Variants in FGF13 observed in about 807,000 individuals in gnomAD.
FGF13 encodes fibroblast growth factor homologous factor 2.
FGF13 carries 2 observed loss-of-function variants against 19.5 expected under a neutral mutation model. That is an observed-to-expected ratio of 0.10 (90% CI 0.04 to 0.32). The LOEUF is 0.32. Ranked by LOEUF, FGF13 falls within the 10% of genes least tolerant of loss-of-function variation. The pLI is 1.00. For missense variants in FGF13, 113 were observed against 192.7 expected (o/e 0.59, Z 2.45); for synonymous variants, 72 against 76.9 (o/e 0.94, Z 0.33).
chrX:138,644,528 C>G lies in FGF13; in HGVS notation c.403-8873G>C, dbSNP rs17539004. 3.9e-3 allele frequency among the ~76,000 whole-genome samples: 431 copies of G among 111,261 alleles called. 4 individuals carry two copies. Among genetic ancestry groups the G allele is most frequent in the African/African-American group, 0.013 (411 of 30,552 alleles). On this transcript the variant is annotated intron_variant, in intron 3 of 4. Coordinates refer to ENST00000315930, the MANE Select transcript of FGF13 (RefSeq NM_004114.5). ...CTCCTGACCTCAGGTGATCCACCTG[C>G]CTTGGCCTCGCAAAGTGCTGGGATT...
chrX:139,003,971 A>C (rs1464974765), intron 1 of FGF13, among the ~76,000 whole-genome samples: 1 of 112,525 alleles, frequency 8.9e-6, no homozygotes, highest in Non-Finnish European at 1.9e-5. Flanking sequence ...CACCGAGTGG[A>C]TCCTGCACCG....
intron 1 of FGF13, among the ~76,000 whole-genome samples, chrX:138,898,284 A>G (rs1219380252): frequency 8.9e-6 from 1 of 112,047 alleles, no homozygotes; most frequent in East Asian, 2.8e-4. Flanking sequence ...TACCTATATT[A>G]TTTACTTATG....
intron 1 of FGF13, among the ~76,000 whole-genome samples, chrX:138,977,271 C>T (rs1421856361): frequency 1.8e-5 from 2 of 111,843 alleles, no homozygotes; most frequent in Non-Finnish European, 3.8e-5. Flanking sequence ...GTTTCTCTTT[C>T]CCTTAAAGGA....
intron 1 of FGF13, among the ~76,000 whole-genome samples, chrX:139,008,815 T>C (rs749918145): frequency 3.6e-5 from 4 of 111,637 alleles, no homozygotes; most frequent in African/African-American, 6.5e-5. Flanking sequence ...CAAAACATCA[T>C]ACCAGCTAAC....
intron 3 of FGF13, among the ~76,000 whole-genome samples, chrX:138,648,226 C>A (rs1286549899): frequency 8.9e-6 from 1 of 111,978 alleles, no homozygotes; most frequent in Non-Finnish European, 1.9e-5. Flanking sequence ...AGAACCGTAA[C>A]ACTCCCTTAA....
chrX:138,698,579 T>C (rs1216206044), intron 3 of FGF13, among the ~76,000 whole-genome samples: 2 of 111,814 alleles, frequency 1.8e-5, no homozygotes, highest in Non-Finnish European at 3.8e-5. Flanking sequence ...TCAACAACCA[T>C]TTTTCTTAAG....
intron 1 of FGF13, among the ~76,000 whole-genome samples, chrX:138,866,806 C>A (rs2091326732): frequency 8.9e-6 from 1 of 112,092 alleles, no homozygotes; most frequent in Non-Finnish European, 1.9e-5. Flanking sequence ...GACTGCTATG[C>A]ACATTAAAGT....
At chrX:138,989,511 T>C (rs1361372898) in intron 1 of FGF13, among the ~76,000 whole-genome samples, 1 of 111,912 alleles carries the variant, frequency 8.9e-6, no homozygotes, top group African/African-American at 3.2e-5. Flanking sequence ...TTCTTGGTAT[T>C]GTCATAGATA....
intron 1 of FGF13, among the ~76,000 whole-genome samples, chrX:138,955,768 C>T (rs1056801205): frequency 8.9e-6 from 1 of 112,115 alleles, no homozygotes; most frequent in African/African-American, 3.2e-5. Flanking sequence ...AGAAATTCCA[C>T]CCAAAGAAAC....
intron 1 of FGF13, among the ~76,000 whole-genome samples, chrX:139,192,280 G>C (rs967182226): frequency 9.0e-6 from 1 of 111,509 alleles, no homozygotes; most frequent in Non-Finnish European, 1.9e-5. Context: ...TGACTCCTTT[G>C]AGAATCTGTT....
intron 1 of FGF13, among the ~76,000 whole-genome samples, chrX:138,882,010 C>T: frequency 9.1e-6 from 1 of 110,258 alleles, no homozygotes; most frequent in Non-Finnish European, 1.9e-5. Flanking sequence ...GATTTGATAT[C>T]TTTATTCTTT....
intron 1 of FGF13, among the ~76,000 whole-genome samples, chrX:138,976,691 C>G (rs766600011): frequency 7.5e-4 from 79 of 105,131 alleles, no homozygotes; most frequent in African/African-American, 2.6e-3. Flanking sequence ...ACCCCAAAAG[C>G]TATTGAAATA....
chrX:139,005,133 G>A (rs2124366531), intron 1 of FGF13, among the ~76,000 whole-genome samples: 1 of 107,080 alleles, frequency 9.3e-6, no homozygotes, highest in African/African-American at 3.4e-5. Context: ...GGCTGTGCTG[G>A]CTTTAGGTCT....
chrX:138,974,607 A>G lies in FGF13; in HGVS notation c.-112-109957T>C, dbSNP rs543356903. Among the ~76,000 whole-genome samples the G allele has an allele frequency of 1.8e-4, 20 of 112,344 alleles. No homozygotes were observed. In the South Asian group the frequency reaches 7.4e-3, roughly 41 times the overall value. On this transcript the variant is annotated intron_variant, in intron 1 of 2. Coordinates refer to the FGF13 transcript ENST00000421460. ...GGTTCTAAGTCTTCTATTCTTGAAT[A>G]TTTAAAGAAAGTTAGGAGAATTCAA...
Position 138,703,080 on chromosome X carries a change from A to C in FGF13, c.306T>G (p.Phe102Leu). The change falls in exon 3 of 5, where the codon TTT becomes TTG. Residue 102 changes from phenylalanine to leucine, a missense_variant. Physicochemically the swap from Phe to Leu is conservative, Grantham distance 22. Around this residue, in one of 4 missense-constraint regions of FGF13, gnomAD observed 51 missense variants for 78.5 expected, o/e 0.65. Transcript: ENST00000315930. ...TKDEDSTYTL[F>L]NLIPVGLRVV... is the part of the protein sequence containing the mutation. ...CTCGCAGACCCACAGGGATGAGGTT[A>C]AACAGAGCTGAAATTAAAAAAGAAA... 1 of 1,190,732 alleles carries C rather than the reference A, an allele frequency of 8.4e-7. No homozygotes were observed. Among genetic ancestry groups the C allele is most frequent in the Non-Finnish European group, 1.1e-6 (1 of 876,209 alleles).
intron 1 of FGF13, among the ~76,000 whole-genome samples, chrX:139,117,936 G>A (rs1008957605): frequency 9.9e-5 from 11 of 111,658 alleles, no homozygotes; most frequent in African/African-American, 2.3e-4. Context: ...GGGGCTAGGC[G>A]TAGGGGATAA....
At chrX:138,823,283 C>G (rs1304094091) in intron 3 of FGF13, among the ~76,000 whole-genome samples, 2 of 111,120 alleles carry the variant, frequency 1.8e-5, no homozygotes, top group Non-Finnish European at 3.8e-5. Flanking sequence ...GACTCCAGCC[C>G]GCCTGCGCAC....
intron 1 of FGF13, among the ~76,000 whole-genome samples, chrX:138,877,157 A>G (rs1446813526): frequency 9.1e-6 from 1 of 110,205 alleles, no homozygotes; most frequent in Non-Finnish European, 1.9e-5. Flanking sequence ...AGGACAAGTC[A>G]GTAGGTGCAG....
intron 3 of FGF13, among the ~76,000 whole-genome samples, chrX:138,701,771 T>C (rs188477066): frequency 8.9e-6 from 1 of 112,218 alleles, no homozygotes; most frequent in Non-Finnish European, 1.9e-5. Context: ...GCCAAGAGTC[T>C]TCCTGCACAC....
Sources: gnomAD v4.1 joint callset for allele counts (sites outside exome capture counted in the v4.1 genomes callset) on GRCh38, gnomAD v4.1.1 for gene constraint, gnomAD v4.1.1 regional missense constraint, MANE v1.5 for transcripts, NCBI Gene and HGNC (gene_info 2026-07-23, HGNC 2026-07-21) for gene names.